The following PEAK1 variants were observed in gnomAD, a reference collection of about 807,000 sequenced individuals.
PEAK1 encodes pseudopodium enriched atypical kinase 1.
In PEAK1, 54 loss-of-function variants were observed where a neutral mutation model predicts 124.7. The ratio of observed to expected loss-of-function variants is 0.43; its 90% confidence interval spans 0.35 to 0.54. The LOEUF is 0.54. PEAK1 is among the 20% of genes least tolerant of loss of function. PEAK1 has a pLI of 0.01. For missense variants in PEAK1, 2,046 were observed against 2,134.5 expected, an observed-to-expected ratio of 0.96 and a Z score of 0.82; for synonymous variants, 719 against 760.0, an observed-to-expected ratio of 0.95 and a Z score of 0.89.
intron 1 of PEAK1, among the ~76,000 whole-genome samples, chr15:77,367,397 A>C (rs1405114552): frequency 6.6e-6 from 1 of 152,212 alleles, no homozygotes; most frequent in Non-Finnish European, 1.5e-5. Flanking sequence ...ATTGACTGCA[A>C]AGGGGCTTAA....
At chr15:77,214,836 C>G (rs1567124184) in intron 6 of PEAK1, among the ~76,000 whole-genome samples, 1 of 152,050 alleles carries the variant, frequency 6.6e-6, no homozygotes, top group Non-Finnish European at 1.5e-5. Flanking sequence ...CATGATAACT[C>G]TATCATGAGA....
At chr15:77,248,062 TTTTG>T (rs1273986084) in intron 6 of PEAK1, among the ~76,000 whole-genome samples, 2 of 152,002 alleles carry the variant, frequency 1.3e-5, no homozygotes, top group African/African-American at 2.4e-5. Flanking sequence ...GTAGTATTAA[TTTTG>T]TTTTTTTTTG....
intron 5 of PEAK1, among the ~76,000 whole-genome samples, chr15:77,256,981 G>GT (rs537753343): frequency 0.073 from 11,100 of 151,506 alleles, 552 homozygotes; most frequent in Non-Finnish European, 0.1. Context: ...GCGGTGTTTG[G>GT]TTTTTTGTCC....
At chr15:77,308,730 T>G (rs903342654) in intron 2 of PEAK1, among the ~76,000 whole-genome samples, 25 of 152,086 alleles carry the variant, frequency 1.6e-4, no homozygotes, top group African/African-American at 5.8e-4. Context: ...CATACTCTGG[T>G]ACCACAGGCA....
intron 6 of PEAK1, among the ~76,000 whole-genome samples, chr15:77,250,190 T>C (rs1195139241): frequency 1.5e-4 from 17 of 112,088 alleles, no homozygotes; most frequent in Non-Finnish European, 2.5e-4. Flanking sequence ...TGTATATATA[T>C]ACATATATAT....
At chr15:77,173,649 C>G (rs569442706) in intron 7 of PEAK1, among the ~76,000 whole-genome samples, 1 of 152,282 alleles carries the variant, frequency 6.6e-6, no homozygotes, top group Non-Finnish European at 1.5e-5. Context: ...TGGTTATCAT[C>G]GTTCTATTCT....
rs75394783 is a variant in PEAK1 at position 77,356,522 on chromosome 15, T to C, written c.-603+8641A>G. Among the ~76,000 whole-genome samples, 691 of 152,314 alleles carry C rather than the reference T, an allele frequency of 4.5e-3. 5 individuals carry two copies. Among genetic ancestry groups the C allele is most frequent in the African/African-American group, 0.016 (659 of 41,568 alleles). On this transcript the variant is annotated intron_variant, in intron 2 of 9. Transcript: ENST00000682557. ...ATTACATTCATAGGTGTATACTCAA[T>C]AGAATATCTTGCATACGCATAAGAG... is the stretch of plus-strand genomic sequence containing the variant.
chr15:77,321,951 A>G (rs573312380), intron 2 of PEAK1, among the ~76,000 whole-genome samples: 2 of 152,362 alleles, frequency 1.3e-5, no homozygotes, highest in South Asian at 2.1e-4. Flanking sequence ...AGTGCAATCA[A>G]ACTAGAACTC....
chr15:77,313,741 T>TA (rs771927705), intron 2 of PEAK1, among the ~76,000 whole-genome samples: 26,139 of 140,192 alleles, frequency 0.19, 3,226 homozygotes, highest in Middle Eastern at 0.25. Flanking sequence ...TATATATATA[T>TA]TTATTTATTT....
intron 1 of PEAK1, chr15:77,418,156 A>G: frequency 1.0e-6 from 1 of 984,582 alleles, no homozygotes; most frequent in African/African-American, 1.7e-5. Flanking sequence ...TCAACTGGAT[A>G]AAACGAATAG....
intron 6 of PEAK1, among the ~76,000 whole-genome samples, chr15:77,234,168 G>A (rs184028907): frequency 6.6e-6 from 1 of 152,264 alleles, no homozygotes; most frequent in Non-Finnish European, 1.5e-5. Flanking sequence ...TGCCCACACA[G>A]CATTCACATT....
chr15:77,143,669 T>C (rs2053960032), intron 8 of PEAK1, among the ~76,000 whole-genome samples: 1 of 152,204 alleles, frequency 6.6e-6, no homozygotes. Context: ...CCCACTCCTC[T>C]CATCTTTAAA....
chr15:77,418,530 G>C (rs1265263940), intron 1 of PEAK1: 34 of 984,930 alleles, frequency 3.5e-5, no homozygotes, highest in East Asian at 1.1e-4. Context: ...TCTCTGGGCT[G>C]AGGCTATAAC....
rs188074167 is a variant in PEAK1, at chr15:77,351,725, G to A, written c.-603+13438C>T. The A allele has an allele frequency of 1.2e-5, 12 of 985,080 alleles. No individual in the cohort carries two copies. In the Admixed American group the frequency reaches 3.1e-4, roughly 25 times the overall value. The allele number at this position is 985,080 out of a possible 1,614,324, so 61.0% of individuals were successfully genotyped here. A position where few individuals can be genotyped will look rare whatever the true frequency, so the allele number is the denominator to read the frequency against. On this transcript the variant is annotated intron_variant, in intron 2 of 9. Transcript: ENST00000682557. The stretch of plus-strand genomic sequence containing the variant: ...GCCAAGAACCTGGACACCCTCCACC[G>A]TTAACGAGAATAGGGCACAGAGGTT...
chr15:77,301,070 C>T (rs148490292), intron 2 of PEAK1, among the ~76,000 whole-genome samples: 29,618 of 152,024 alleles, frequency 0.19, 3,558 homozygotes, highest in Middle Eastern at 0.29. Flanking sequence ...CCAGGCTGGT[C>T]TTGAACTGCT....
intron 8 of PEAK1, among the ~76,000 whole-genome samples, chr15:77,140,561 T>C (rs1203313200): frequency 3.3e-5 from 5 of 152,044 alleles, no homozygotes; most frequent in South Asian, 2.1e-4. Flanking sequence ...ATAATAATAA[T>C]ACTCAATGAA....
intron 1 of PEAK1, among the ~76,000 whole-genome samples, chr15:77,377,246 T>C (rs1434507254): frequency 1.3e-5 from 2 of 152,078 alleles, no homozygotes; most frequent in Non-Finnish European, 2.9e-5. Context: ...TAGCTGGGCA[T>C]GGTAGCACAT....
intron 2 of PEAK1, chr15:77,350,041 A>G (rs1232412801): frequency 2.0e-6 from 2 of 985,276 alleles, no homozygotes; most frequent in Non-Finnish European, 2.4e-6. Flanking sequence ...GTAGGAAGTC[A>G]GGGCTCAGCC....
intron 1 of PEAK1, chr15:77,403,684 T>C: frequency 3.3e-6 from 3 of 903,024 alleles, no homozygotes; most frequent in Non-Finnish European, 4.0e-6. Flanking sequence ...TCATCTCATT[T>C]GACAATCAAA....
Sources: gnomAD v4.1 joint callset for allele counts (sites outside exome capture counted in the v4.1 genomes callset) on GRCh38, gnomAD v4.1.1 for gene constraint, MANE v1.5 for transcripts, NCBI Gene and HGNC (gene_info 2026-07-23, HGNC 2026-07-21) for gene names.